Variants in ZFHX3 observed in about 807,000 individuals in gnomAD.
ZFHX3 encodes the protein zinc finger homeobox 3, also known as zinc finger homeobox protein 3.
Under a neutral mutation model 279.1 loss-of-function variants are expected in ZFHX3, and 42 were observed. That is an observed-to-expected ratio of 0.15 (90% CI 0.12 to 0.19). ZFHX3 has a LOEUF of 0.19. ZFHX3 is among the 10% of genes least tolerant of loss of function. ZFHX3 has a pLI of 1.00. For synonymous variants in ZFHX3, 2,293 were observed against 1,957.8 expected, an observed-to-expected ratio of 1.17 and a Z score of -4.52; for missense variants, 4,981 against 4,754.0, an observed-to-expected ratio of 1.05 and a Z score of -1.40.
intron 3 of ZFHX3, among the ~76,000 whole-genome samples, chr16:73,452,387 T>C (rs1280163119): frequency 4.6e-5 from 7 of 152,186 alleles, no homozygotes; most frequent in African/African-American, 2.4e-5. Flanking sequence ...AAAAATCACC[T>C]TTTTATTTTA....
At chr16:73,230,441 A>G (rs961425728) in intron 5 of ZFHX3, among the ~76,000 whole-genome samples, 2 of 152,214 alleles carry the variant, frequency 1.3e-5, no homozygotes, top group African/African-American at 4.8e-5. Flanking sequence ...ATGATATAAA[A>G]AAAATACATG....
At chr16:72,849,945 T>A (rs1268790697) in intron 4 of ZFHX3, among the ~76,000 whole-genome samples, 1 of 145,070 alleles carries the variant, frequency 6.9e-6, no homozygotes, top group Non-Finnish European at 1.5e-5. Context: ...CACCTTTCCG[T>A]GTTCCAGTGA....
chr16:72,991,181 A>G (rs1017544257), intron 1 of ZFHX3, among the ~76,000 whole-genome samples: 3 of 152,230 alleles, frequency 2.0e-5, no homozygotes, highest in Non-Finnish European at 2.9e-5. Flanking sequence ...CCATATTCCC[A>G]TAACTGTCAT....
chr16:73,445,606 A>G (rs939422027), intron 3 of ZFHX3, among the ~76,000 whole-genome samples: 3 of 152,104 alleles, frequency 2.0e-5, no homozygotes, highest in Non-Finnish European at 4.4e-5. Flanking sequence ...TCACAATCAC[A>G]TAGTGTGCCC....
chr16:72,918,392 C>T (rs4788677), intron 3 of ZFHX3, among the ~76,000 whole-genome samples: 19,666 of 152,098 alleles, frequency 0.13, 1,707 homozygotes, highest in Non-Finnish European at 0.2. Context: ...AATAATACTA[C>T]GCAGCTATTA....
intron 5 of ZFHX3, among the ~76,000 whole-genome samples, chr16:73,147,689 C>T (rs1271237369): frequency 4.0e-5 from 2 of 49,872 alleles, no homozygotes; most frequent in Non-Finnish European, 7.7e-5. Context: ...GAGACTCCGT[C>T]TCAAAAAAAA....
intron 4 of ZFHX3, among the ~76,000 whole-genome samples, chr16:73,266,852 C>T (rs920809790): frequency 1.3e-5 from 2 of 152,218 alleles, no homozygotes; most frequent in Non-Finnish European, 2.9e-5. Context: ...GATTGTGAGG[C>T]CTCCCTAGCC....
intron 3 of ZFHX3, among the ~76,000 whole-genome samples, chr16:72,918,218 C>A (rs2039490683): frequency 6.6e-6 from 1 of 152,070 alleles, no homozygotes; most frequent in African/African-American, 2.4e-5. Context: ...GCAAATAAGT[C>A]AAAAGCAGGG....
chr16:73,481,210 T>C (rs2018858857), intron 2 of ZFHX3, among the ~76,000 whole-genome samples: 1 of 151,920 alleles, frequency 6.6e-6, no homozygotes, highest in Non-Finnish European at 1.5e-5. Context: ...CCACCTGTAA[T>C]CCCAGCTACT....
intron 3 of ZFHX3, among the ~76,000 whole-genome samples, chr16:73,430,704 T>G (rs1489818792): frequency 6.6e-6 from 1 of 152,196 alleles, no homozygotes; most frequent in Non-Finnish European, 1.5e-5. Context: ...CAACAGTGCC[T>G]TTGCTGCAGG....
At chr16:72,802,817 T>C (rs1399975113) in intron 7 of ZFHX3, among the ~76,000 whole-genome samples, 1 of 152,190 alleles carries the variant, frequency 6.6e-6, no homozygotes, top group Non-Finnish European at 1.5e-5. Context: ...ACTCAAAGCT[T>C]TCATGCTTTA....
At chr16:73,682,902 GAA>G (rs374014396) in intron 1 of ZFHX3, among the ~76,000 whole-genome samples, 21,153 of 51,462 alleles carry the variant, frequency 0.41, 3,531 homozygotes, top group East Asian at 0.68. Context: ...AAGAAAGAAA[GAA>G]AGAGAAAGAA....
chr16:73,564,455 T>C (rs1386137656), intron 2 of ZFHX3, among the ~76,000 whole-genome samples: 1 of 152,192 alleles, frequency 6.6e-6, no homozygotes, highest in South Asian at 2.1e-4. Context: ...TACGCTCAAA[T>C]TATATCAAGC....
chr16:73,824,545 TC>T (rs2142352618), intron 1 of ZFHX3, among the ~76,000 whole-genome samples: 1 of 97,614 alleles, frequency 1.0e-5, no homozygotes, highest in Non-Finnish European at 2.0e-5. Context: ...ATGCTATCCC[TC>T]CCCCCTCCCC....
chr16:73,889,882 T>C (rs908558699), intron 1 of ZFHX3, among the ~76,000 whole-genome samples: 1 of 152,184 alleles, frequency 6.6e-6, no homozygotes, highest in Admixed American at 6.5e-5. Flanking sequence ...AATAAAATTA[T>C]CCAATTAGGA....
At chr16:73,820,634 G>C (rs1024213874) in intron 1 of ZFHX3, among the ~76,000 whole-genome samples, 1 of 151,994 alleles carries the variant, frequency 6.6e-6, no homozygotes, top group African/African-American at 2.4e-5. Flanking sequence ...CCCCCTGTGA[G>C]ACTCCAAGCA....
intron 3 of ZFHX3, among the ~76,000 whole-genome samples, chr16:73,331,412 G>A (rs1033506675): frequency 6.6e-6 from 1 of 152,186 alleles, no homozygotes; most frequent in Admixed American, 6.5e-5. Context: ...GAGATGATTG[G>A]CAAGAATGTG....
intron 2 of ZFHX3, among the ~76,000 whole-genome samples, chr16:73,541,786 CTTTTTT>C (rs546761843): frequency 0.019 from 1,636 of 88,156 alleles, 70 homozygotes; most frequent in African/African-American, 0.064. Flanking sequence ...TGGTGGTTCT[CTTTTTT>C]TTTTTTTTTT....
intron 6 of ZFHX3, chr16:73,137,454 G>T (rs974375321): frequency 6.6e-6 from 1 of 151,934 alleles, no homozygotes; most frequent in African/African-American, 2.4e-5. Flanking sequence ...ACTTTCTCCT[G>T]CTTGCCTTCT....
Sources: allele counts gnomAD v4.1 joint callset (sites outside exome capture counted in the v4.1 genomes callset), GRCh38; gene constraint gnomAD v4.1.1; transcripts MANE v1.5; gene names NCBI Gene and HGNC (gene_info 2026-07-23, HGNC 2026-07-21).